The following NRDC variants were observed in gnomAD, a reference collection of about 807,000 sequenced individuals.
NRDC encodes nardilysin convertase, also known as nardilysin.
NRDC carries 54 observed loss-of-function variants against 147.1 expected under a neutral mutation model. That is an observed-to-expected ratio of 0.37 (90% CI 0.29 to 0.46). NRDC has a LOEUF of 0.46. Ranked by LOEUF, NRDC falls within the 20% of genes least tolerant of loss-of-function variation. The pLI is 1.00. For missense variants in NRDC, 1,082 were observed against 1,370.6 expected (o/e 0.79, Z 3.33); for synonymous variants, 440 against 482.1 (o/e 0.91, Z 1.14).
rs2149197486 is a variant in NRDC, at chr1:51,806,785, A to G, written c.2110+9T>C. On this transcript the variant is annotated intron_variant, in intron 18 of 30. Transcript: ENST00000352171. The stretch of plus-strand genomic sequence containing the variant: ...TCAGCAGGGAAGTAACAGGAGGGCA[A>G]CATTTTACCTTTGGGGATTTTGAAT... 1 of 1,612,482 alleles carries G rather than the reference A, an allele frequency of 6.2e-7. No homozygotes were observed. Among genetic ancestry groups the G allele is most frequent in the South Asian group, 1.1e-5 (1 of 90,710 alleles).
intron 1 of NRDC, chr1:51,862,389 C>T (rs1021053964): frequency 6.6e-6 from 1 of 150,882 alleles, no homozygotes; most frequent in African/African-American, 2.4e-5. Flanking sequence ...CACTGCAGTA[C>T]AGCCTGGGTG....
chr1:51,799,466 A>G (rs1055791219), intron 21 of NRDC, among the ~76,000 whole-genome samples: 6 of 152,004 alleles, frequency 3.9e-5, no homozygotes, highest in African/African-American at 1.5e-4. Flanking sequence ...ATCAGTTATT[A>G]CATGACTGAT....
In NRDC at chr1:51,838,424, C is replaced by T. The variant is rs137870192; in HGVS notation, c.630+1802G>A. ...TTATAATGTCTTGACATTTAAAATGCCTGTCGAGACAATTTTTAACTGTTT... is the reference window on the plus strand; with the variant it reads ...TTATAATGTCTTGACATTTAAAATGTCTGTCGAGACAATTTTTAACTGTTT... On this transcript the variant is annotated intron_variant, in intron 2 of 30. Coordinates refer to ENST00000352171, the MANE Select transcript of NRDC (RefSeq NM_001101662.2). 2.1e-4 allele frequency among the ~76,000 whole-genome samples: 32 copies of T among 152,132 alleles called. 1 individual carries two copies. The East Asian group carries it at 6.2e-3, about 29-fold the overall frequency.
intron 4 of NRDC, among the ~76,000 whole-genome samples, chr1:51,830,938 A>G (rs909333186): frequency 5.3e-5 from 8 of 152,226 alleles, no homozygotes; most frequent in African/African-American, 1.9e-4. Flanking sequence ...ATATAAGAGC[A>G]TATTACACAC....
intron 22 of NRDC, among the ~76,000 whole-genome samples, chr1:51,796,249 T>G (rs188423414): frequency 6.6e-6 from 1 of 151,966 alleles, no homozygotes; most frequent in African/African-American, 2.4e-5. Context: ...CAACTCTTTT[T>G]TTTTTTTGAG....
intron 29 of NRDC, 154 bp from the exon 30 acceptor site, chr1:51,789,811 CGAT>C: frequency 3.3e-6 from 2 of 613,084 alleles, no homozygotes; most frequent in South Asian, 3.9e-5. Context: ...CAGACCAAAA[CGAT>C]GATGAAGCTC....
chr1:51,805,708 C>A, intron 18 of NRDC, 147 bp from the exon 19 acceptor site: 1 of 570,298 alleles, frequency 1.8e-6, no homozygotes, highest in Non-Finnish European at 3.1e-6. Flanking sequence ...TCTTAAGGGT[C>A]TTTAAAAAGC....
chr1:51,846,669 GTAGTGAGA>G (rs1681625897), intron 1 of NRDC, among the ~76,000 whole-genome samples: 1 of 152,188 alleles, frequency 6.6e-6, no homozygotes, highest in Non-Finnish European at 1.5e-5. Flanking sequence ...GCTCATAAAG[GTAGTGAGA>G]ACCCAAAAAG....
At chr1:51,833,769 T>G (rs776283175) in intron 4 of NRDC, among the ~76,000 whole-genome samples, 33 of 152,020 alleles carry the variant, frequency 2.2e-4, no homozygotes, top group Non-Finnish European at 1.0e-4. Context: ...CCATCATGCT[T>G]GGCTAATTTT....
intron 17 of NRDC, among the ~76,000 whole-genome samples, chr1:51,807,762 A>G (rs1400296600): frequency 6.6e-6 from 1 of 150,912 alleles, no homozygotes; most frequent in East Asian, 1.9e-4. Flanking sequence ...AGTTCAAGAT[A>G]TGAAACTGAA....
At position 51,812,089 on chromosome 1, in the gene NRDC, C is replaced by T; in HGVS notation, c.1684G>A (p.Val562Ile). 6.2e-7 allele frequency: 1 copy of T among 1,611,790 alleles called. No individual in the cohort carries two copies. The highest frequency in any genetic ancestry group is 8.5e-7 in the Non-Finnish European group (1 of 1,177,906). ...TCACACATGTTTTCCACATACTCAA[C>T]TGGATCTGTCTGTAAAGAGGTAAAT... The part of the protein sequence containing the change: ...EFHYQEQTDP[V>I]EYVENMCENM... The change falls in exon 15 of 31, where the codon GTT becomes ATT. Residue 562 changes from valine (V) to isoleucine (I), a missense_variant. Transcript: ENST00000352171.
chr1:51,793,712 C>A (rs562157060), intron 24 of NRDC, among the ~76,000 whole-genome samples: 1 of 152,184 alleles, frequency 6.6e-6, no homozygotes, highest in African/African-American at 2.4e-5. Flanking sequence ...CAAGACCTGA[C>A]AAAGAAGTGA....
At chr1:51,790,725 G>T in intron 28 of NRDC, 76 bp from the exon 29 acceptor site, 1 of 1,119,668 alleles carries the variant, frequency 8.9e-7, no homozygotes, top group Non-Finnish European at 1.4e-6. Context: ...GCCCTGTCCA[G>T]CCCGGCTTGT....
At chr1:51,789,759 C>G (rs750613753) in intron 29 of NRDC, 102 bp from the exon 30 acceptor site, 2 of 789,548 alleles carry the variant, frequency 2.5e-6, no homozygotes, top group Non-Finnish European at 4.3e-6. Context: ...CATCTGAAGA[C>G]CTCATTTTAT....
At chr1:51,816,785 A>G (rs1679989096) in intron 10 of NRDC, among the ~76,000 whole-genome samples, 1 of 152,136 alleles carries the variant, frequency 6.6e-6, no homozygotes. Context: ...TCTGTGGTAA[A>G]ATGAAATGTG....
chr1:51,862,957 C>G (rs1170886038), intron 1 of NRDC, among the ~76,000 whole-genome samples: 1 of 119,486 alleles, frequency 8.4e-6, no homozygotes, highest in East Asian at 2.8e-4. Context: ...TTGCAGCGAG[C>G]TGAAATCAGG....
At chr1:51,849,800 A>G (rs1376487006) in intron 1 of NRDC, among the ~76,000 whole-genome samples, 2 of 151,956 alleles carry the variant, frequency 1.3e-5, no homozygotes, top group Non-Finnish European at 2.9e-5. Context: ...GGGGCGACAG[A>G]GCGAGACTCT....
chr1:51,800,801 G>T (rs1679158942), intron 20 of NRDC, 118 bp from the exon 21 acceptor site: 2 of 965,398 alleles, frequency 2.1e-6, no homozygotes, highest in African/African-American at 1.6e-5. Flanking sequence ...CATTGTGGGG[G>T]GACATAAGAA....
At chr1:51,840,638 A>C in intron 1 of NRDC, 124 bp from the exon 2 acceptor site, 1 of 656,932 alleles carries the variant, frequency 1.5e-6, no homozygotes, top group Non-Finnish European at 2.5e-6. Flanking sequence ...CACACACACA[A>C]CTATTTGTAA....
Sources: allele counts gnomAD v4.1 joint callset (sites outside exome capture counted in the v4.1 genomes callset), GRCh38; gene constraint gnomAD v4.1.1; transcripts MANE v1.5; gene names NCBI Gene and HGNC (gene_info 2026-07-23, HGNC 2026-07-21).